Variants in TIMM10B observed in about 807,000 individuals in gnomAD.
The protein encoded by TIMM10B is translocase of inner mitochondrial membrane 10B.
In TIMM10B, 17 loss-of-function variants were observed where a neutral mutation model predicts 12.6. The observed-to-expected ratio is 1.35, with a 90% CI of 0.92 to 2.03. The LOEUF (loss-of-function observed/expected upper bound fraction) is 2.03, where lower values mean the gene tolerates loss of function less well. TIMM10B is among the 30% of genes most tolerant of loss of function. The pLI is 0.00. For missense variants in TIMM10B, 165 were observed against 133.3 expected (o/e 1.24, Z -1.17); for synonymous variants, 63 against 51.3 (o/e 1.23, Z -0.97).
rs376534559 is a variant in TIMM10B at position 6,481,711 on chromosome 11, G to A, written c.40-46G>A. 4.1e-4 allele frequency: 669 copies of A among 1,613,342 alleles called. 2 individuals carry two copies. The highest frequency in any genetic ancestry group is 1.6e-3 in the South Asian group (147 of 91,002). On this transcript the variant is annotated intron_variant, in intron 1 of 2. Coordinates refer to ENST00000254616, the MANE Select transcript of TIMM10B (RefSeq NM_012192.4). ...TTGGGCGGCGCGACCTTGACTAGAA[G>A]TGTGGGGCCCTTATCGCTGAGTTTG... is the stretch of plus-strand genomic sequence containing the variant.
At position 6,481,524 on chromosome 11, in the gene TIMM10B, G is replaced by T; in HGVS notation, c.8G>T (p.Arg3Leu). The part of the protein sequence containing the change: ME[R>L]QQQQQQQLRN... ...GCATGCGCCGGTGGCGTGATGGAGC[G>T]GCAGCAGCAGCAGCAACAGCAACTG... The change falls in exon 1 of 3, where the codon CGG (arginine) becomes CTG (leucine). Residue 3 changes from arginine (R) to leucine (L), a missense_variant. Transcript: ENST00000254616. 2 of 1,610,482 alleles carry T rather than the reference G, an allele frequency of 1.2e-6. No homozygotes were observed. The highest frequency in any genetic ancestry group is 1.7e-5 in the Admixed American group (1 of 59,674).
rs779144254 is a variant in TIMM10B at position 6,482,122 on chromosome 11, G to T, written c.213G>T (p.Met71Ile). ...TCATGGCCGCTTACGTGCAGCTCAT[G>T]CCTGCCCTGGTACAGCGCCGCATCG... The part of the protein sequence containing the change: ...HRLMAAYVQL[M>I]PALVQRRIAD... Residue 71 changes from methionine (M) to isoleucine (I), a missense_variant, in exon 3 of 3, where the codon ATG becomes ATT. Transcript: ENST00000254616. 1.2e-6 allele frequency: 2 copies of T among 1,613,540 alleles called. No individual in the cohort carries two copies.
In TIMM10B at chr11:6,482,049, C is replaced by T. The variant is rs769574214; in HGVS notation, c.140C>T (p.Ala47Val). 71 of 1,611,716 alleles carry T rather than the reference C, an allele frequency of 4.4e-5. No homozygotes were observed. The highest frequency in any genetic ancestry group is 5.7e-5 in the Non-Finnish European group (67 of 1,178,236). ...HHRALDAEEEACLHSCAGKLI... is the reference protein window; with the variant it reads ...HHRALDAEEEVCLHSCAGKLI... ...TAAACCCTATCTTCCTTCTAGGAGG[C>T]CTGTCTGCACAGCTGTGCTGGGAAG... is the stretch of plus-strand genomic sequence containing the variant. The change falls in exon 3 of 3, where the codon GCC becomes GTC. Residue 47 changes from alanine to valine, a missense_variant. Ala to Val is a moderately conservative substitution (Grantham distance 64). Coordinates refer to ENST00000254616, the MANE Select transcript of TIMM10B (RefSeq NM_012192.4).
At position 6,482,205 on chromosome 11, in the gene TIMM10B, C is replaced by A. The variant is rs757357862; in HGVS notation, c.296C>A (p.Ser99Tyr). The change falls in exon 3 of 3, where the codon TCT becomes TAT. Residue 99 changes from serine to tyrosine, a missense_variant. Physicochemically the swap from Ser to Tyr is moderately radical, Grantham distance 144. Coordinates refer to ENST00000254616, the MANE Select transcript of TIMM10B (RefSeq NM_012192.4). ...PGVAAEQPGV[S>Y]PSGS Reference sequence around the variant, plus strand: ...GTTGCTGCTGAACAGCCTGGGGTCTCTCCATCAGGCAGCTAGCCATACCCA... The same window carrying A: ...GTTGCTGCTGAACAGCCTGGGGTCTATCCATCAGGCAGCTAGCCATACCCA... 1 of 1,606,700 alleles carries A rather than the reference C, an allele frequency of 6.2e-7. No homozygotes were observed. The highest frequency in any genetic ancestry group is 8.5e-7 in the Non-Finnish European group (1 of 1,178,684).
At position 6,481,741 on chromosome 11, in the gene TIMM10B, C is replaced by A. The variant is rs956356162; in HGVS notation, c.40-16C>A. On this transcript the variant is annotated splice_polypyrimidine_tract_variant and intron_variant, in intron 1 of 2. Coordinates refer to ENST00000254616, the MANE Select transcript of TIMM10B (RefSeq NM_012192.4). ...GGGCCCTTATCGCTGAGTTTGTGGT[C>A]CCCCTTTTCTCTCAGCTGCGTGACT... The A allele has an allele frequency of 3.7e-6, 6 of 1,613,854 alleles. No individual in the cohort carries two copies. In the African/African-American group the frequency reaches 8.0e-5, roughly 22 times the overall value.
At position 6,483,369 on chromosome 11, in the gene TIMM10B, T is replaced by G. The variant is rs1442263828; in HGVS notation, c.*1148T>G. ...TTATTGCCTCCCCCGCCCCCCAACT[T>G]TGTGTAATTTACTTCTGTATTCAGC... On this transcript the variant is annotated 3_prime_UTR_variant, in exon 3 of 3. Transcript: ENST00000254616. 2 of 151,060 alleles carry G rather than the reference T, an allele frequency of 1.3e-5. No homozygotes were observed. The highest frequency in any genetic ancestry group is 4.8e-5 in the African/African-American group (2 of 41,254). 9.4% of individuals were successfully genotyped at this position (151,060 alleles called of 1,614,324 possible). A position where few individuals can be genotyped will look rare whatever the true frequency, so the allele number is the denominator to read the frequency against.
At position 6,482,184 on chromosome 11, in the gene TIMM10B, C is replaced by T. The variant is rs1173762879; in HGVS notation, c.275C>T (p.Ala92Val). Residue 92 changes from alanine to valine, a missense_variant, in exon 3 of 3, where the codon GCT becomes GTT. By Grantham distance (64) the Ala-to-Val change is moderately conservative. Transcript: ENST00000254616. Reference sequence around the variant, plus strand: ...GCTGCCTCGGCTGTGCCAGGCGTTGCTGCTGAACAGCCTGGGGTCTCTCCA... The same window carrying T: ...GCTGCCTCGGCTGTGCCAGGCGTTGTTGCTGAACAGCCTGGGGTCTCTCCA... Reference protein sequence around the residue: ...YEAASAVPGVAAEQPGVSPSG... With the variant: ...YEAASAVPGVVAEQPGVSPSG... The T allele has an allele frequency of 6.2e-7, 1 of 1,610,248 alleles. No individual in the cohort carries two copies. The highest frequency in any genetic ancestry group is 8.5e-7 in the Non-Finnish European group (1 of 1,179,886).
chr11:6,481,567 C>G lies in TIMM10B; in HGVS notation c.39+12C>G, dbSNP rs767029221. On this transcript the variant is annotated intron_variant, in intron 1 of 2. Coordinates refer to ENST00000254616, the MANE Select transcript of TIMM10B (RefSeq NM_012192.4). The stretch of plus-strand genomic sequence containing the variant: ...AGCAACTGCGAAACGTAAGTGAGAA[C>G]TAAGTCGTTTCGAGGCCAGACGTTC... 1.2e-6 allele frequency: 2 copies of G among 1,601,960 alleles called. No individual in the cohort carries two copies. Among genetic ancestry groups the G allele is most frequent in the East Asian group, 2.2e-5 (1 of 44,466 alleles).
chr11:6,482,287 G>A lies in TIMM10B; in HGVS notation c.*66G>A. 1 of 1,459,832 alleles carries A rather than the reference G, an allele frequency of 6.9e-7. No individual in the cohort carries two copies. Among genetic ancestry groups the A allele is most frequent in the Non-Finnish European group, 9.3e-7 (1 of 1,079,684 alleles). 90.4% of individuals were successfully genotyped at this position (1,459,832 alleles called of 1,614,324 possible). On this transcript the variant is annotated 3_prime_UTR_variant, in exon 3 of 3. Transcript: ENST00000254616. Reference sequence around the variant, plus strand: ...CAGATTGAAGGACCCGGTGGACCTTGGGGTTGGTGAATCCTAAACAGAGAG... The same window carrying A: ...CAGATTGAAGGACCCGGTGGACCTTAGGGTTGGTGAATCCTAAACAGAGAG...
At position 6,481,911 on chromosome 11, in the gene TIMM10B, C is replaced by T. The variant is rs185769969; in HGVS notation, c.135+59C>T. 334 of 1,568,474 alleles carry T rather than the reference C, an allele frequency of 2.1e-4. No homozygotes were observed. In the African/African-American group the frequency reaches 3.9e-3, roughly 18 times the overall value. On this transcript the variant is annotated intron_variant, in intron 2 of 2. Coordinates refer to ENST00000254616, the MANE Select transcript of TIMM10B (RefSeq NM_012192.4). ...AAGAGTTTAGCGGTAGACTGCTTCCCTCCTCACCCCACTTCCCGTACCTCT... is the reference window on the plus strand; with the variant it reads ...AAGAGTTTAGCGGTAGACTGCTTCCTTCCTCACCCCACTTCCCGTACCTCT...
At chr11:6,481,703 G>T in intron 1 of TIMM10B, 54 bp from the exon 2 acceptor site, 2 of 1,612,084 alleles carry the variant, frequency 1.2e-6, no homozygotes, top group South Asian at 1.1e-5. Context: ...GCGCGACCTT[G>T]ACTAGAAGTG....
chr11:6,482,066 G>A lies in TIMM10B; in HGVS notation c.157G>A (p.Ala53Thr). ...AEEEACLHSC[A>T]GKLIHSNHRL... ...CTAGGAGGCCTGTCTGCACAGCTGTGCTGGGAAGCTGATCCATTCCAACCA... is the reference window on the plus strand; with the variant it reads ...CTAGGAGGCCTGTCTGCACAGCTGTACTGGGAAGCTGATCCATTCCAACCA... Residue 53 changes from alanine to threonine, a missense_variant, in exon 3 of 3, where the codon GCT (alanine) becomes ACT (threonine). Physicochemically the swap from Ala to Thr is moderately conservative, Grantham distance 58. Coordinates refer to ENST00000254616, the MANE Select transcript of TIMM10B (RefSeq NM_012192.4). The A allele has an allele frequency of 6.2e-7, 1 of 1,613,884 alleles. No individual in the cohort carries two copies. Among genetic ancestry groups the A allele is most frequent in the East Asian group, 2.2e-5 (1 of 44,868 alleles).
rs762115070 is a variant in TIMM10B, at chr11:6,482,247, C to T, written c.*26C>T. ...CCATACCCAACCCCAGGAAGGAAGG[C>T]CTTGGATGGACCCTCAGATTGAAGG... On this transcript the variant is annotated 3_prime_UTR_variant, in exon 3 of 3. Coordinates refer to ENST00000254616, the MANE Select transcript of TIMM10B (RefSeq NM_012192.4). The T allele has an allele frequency of 6.3e-7, 1 of 1,580,478 alleles. No individual in the cohort carries two copies. The highest frequency in any genetic ancestry group is 1.1e-5 in the South Asian group (1 of 90,158).
Position 6,482,246 on chromosome 11 carries a change from G to A in TIMM10B, c.*25G>A, listed in dbSNP as rs116095394. The A allele has an allele frequency of 1.7e-3, 2,638 of 1,581,274 alleles. 38 individuals carry two copies. The African/African-American group carries it at 0.03, about 18-fold the overall frequency. On this transcript the variant is annotated 3_prime_UTR_variant, in exon 3 of 3. Transcript: ENST00000254616. Reference sequence around the variant, plus strand: ...GCCATACCCAACCCCAGGAAGGAAGGCCTTGGATGGACCCTCAGATTGAAG... The same window carrying A: ...GCCATACCCAACCCCAGGAAGGAAGACCTTGGATGGACCCTCAGATTGAAG...
chr11:6,482,159 G>T lies in TIMM10B; in HGVS notation c.250G>T (p.Ala84Ser). 2 of 1,611,784 alleles carry T rather than the reference G, an allele frequency of 1.2e-6. No individual in the cohort carries two copies. ...ACAGCGCCGCATCGCAGACTACGAG[G>T]CTGCCTCGGCTGTGCCAGGCGTTGC... is the stretch of plus-strand genomic sequence containing the variant. ...LVQRRIADYE[A>S]ASAVPGVAAE... Residue 84 changes from alanine to serine, a missense_variant, in exon 3 of 3, where the codon GCT becomes TCT. Coordinates refer to ENST00000254616, the MANE Select transcript of TIMM10B (RefSeq NM_012192.4).
chr11:6,481,711 G>T, intron 1 of TIMM10B, 46 bp from the exon 2 acceptor site: 1 of 1,613,342 alleles, frequency 6.2e-7, no homozygotes. Context: ...TTGACTAGAA[G>T]TGTGGGGCCC....
In TIMM10B at chr11:6,481,532, C is replaced by T. The variant is rs770937784; in HGVS notation, c.16C>T (p.Gln6Ter). The T allele has an allele frequency of 6.2e-7, 1 of 1,611,888 alleles. No individual in the cohort carries two copies. Among genetic ancestry groups the T allele is most frequent in the Non-Finnish European group, 8.5e-7 (1 of 1,179,342 alleles). ...CGGTGGCGTGATGGAGCGGCAGCAG[C>T]AGCAGCAACAGCAACTGCGAAACGT... MERQQ[Q>*]QQQQLRNLRD... is the part of the protein sequence containing the mutation. The change falls in exon 1 of 3, where the codon CAG becomes TAG. Residue 6 changes from glutamine (Q) to a stop codon, truncating the protein, a stop_gained. Coordinates refer to ENST00000254616, the MANE Select transcript of TIMM10B (RefSeq NM_012192.4). LOFTEE classifies it high-confidence loss of function.
At position 6,481,520 on chromosome 11, in the gene TIMM10B, G is replaced by A; in HGVS notation, c.4G>A (p.Glu2Lys). M[E>K]RQQQQQQQLR... ...TACGGCATGCGCCGGTGGCGTGATG[G>A]AGCGGCAGCAGCAGCAGCAACAGCA... Residue 2 changes from glutamate to lysine, a missense_variant, in exon 1 of 3, where the codon GAG (glutamate) becomes AAG (lysine). Glu to Lys is a moderately conservative substitution (Grantham distance 56). Transcript: ENST00000254616. The A allele has an allele frequency of 6.2e-7, 1 of 1,612,706 alleles. No individual in the cohort carries two copies.
At chr11:6,481,928 C>G in intron 2 of TIMM10B, 76 bp downstream of exon 2, 3 of 1,602,912 alleles carry the variant, frequency 1.9e-6, no homozygotes, top group Non-Finnish European at 2.6e-6. Flanking sequence ...CCCCACTTCC[C>G]GTACCTCTGG....
Sources: allele counts gnomAD v4.1 joint callset, GRCh38; gene constraint gnomAD v4.1.1; transcripts MANE v1.5; gene names NCBI Gene and HGNC (gene_info 2026-07-23, HGNC 2026-07-21).